PDZRN3: variants seen among roughly 807,000 people sequenced by gnomAD.
PDZRN3 encodes the protein E3 ubiquitin-protein ligase PDZRN3.
PDZRN3 carries 38 observed loss-of-function variants against 85.7 expected under a neutral mutation model. That is an observed-to-expected ratio of 0.44 (90% CI 0.34 to 0.58). PDZRN3 has a LOEUF of 0.58. Ranked by LOEUF, PDZRN3 falls within the 20% of genes least tolerant of loss-of-function variation. The pLI, the probability that PDZRN3 is intolerant of heterozygous loss-of-function variation, is 0.01. For synonymous variants in PDZRN3, 759 were observed against 638.0 expected, an observed-to-expected ratio of 1.19 and a Z score of -2.86; for missense variants, 1,629 against 1,506.4, an observed-to-expected ratio of 1.08 and a Z score of -1.35.
intron 3 of PDZRN3, among the ~76,000 whole-genome samples, chr3:73,415,604 T>G (rs919610841): frequency 2.0e-5 from 3 of 152,232 alleles, no homozygotes; most frequent in Non-Finnish European, 4.4e-5. Context: ...ATAATCCTTC[T>G]ATTTTTCACA....
intron 3 of PDZRN3, among the ~76,000 whole-genome samples, chr3:73,406,493 T>C (rs1464940879): frequency 6.6e-6 from 1 of 152,180 alleles, no homozygotes; most frequent in East Asian, 1.9e-4. Flanking sequence ...TACAGCAAAT[T>C]TGTTGCTGAG....
chr3:73,462,596 T>C (rs1703130771), intron 3 of PDZRN3, among the ~76,000 whole-genome samples: 1 of 149,244 alleles, frequency 6.7e-6, no homozygotes, highest in Non-Finnish European at 1.5e-5. Context: ...GAATTTTTCA[T>C]CATATTGCAG....
At chr3:73,538,023 A>G (rs1704830598) in intron 3 of PDZRN3, among the ~76,000 whole-genome samples, 1 of 152,194 alleles carries the variant, frequency 6.6e-6, no homozygotes, top group African/African-American at 2.4e-5. Context: ...GGATTTCTGG[A>G]CCAAAATGAC....
chr3:73,511,759 T>G (rs1309103500), intron 3 of PDZRN3, among the ~76,000 whole-genome samples: 1 of 152,228 alleles, frequency 6.6e-6, no homozygotes, highest in Admixed American at 6.5e-5. Context: ...CGGCCGCATC[T>G]AAAACAGACA....
At chr3:73,509,395 CTGTT>C (rs1259132676) in intron 3 of PDZRN3, among the ~76,000 whole-genome samples, 1 of 152,200 alleles carries the variant, frequency 6.6e-6, no homozygotes, top group African/African-American at 2.4e-5. Context: ...GGACCTCTGT[CTGTT>C]TGTCCTGTAA....
chr3:73,502,896 A>G (rs1704008273), intron 3 of PDZRN3, among the ~76,000 whole-genome samples: 2 of 152,214 alleles, frequency 1.3e-5, no homozygotes, highest in Admixed American at 1.3e-4. Flanking sequence ...CACAGGTGAC[A>G]GTGTCTTACA....
Position 73,384,777 on chromosome 3 carries a change from A to G in PDZRN3, c.1789T>C (p.Ser597Pro), listed in dbSNP as rs766874601. 3 of 1,613,782 alleles carry G rather than the reference A, an allele frequency of 1.9e-6. No homozygotes were observed. The African/African-American group carries it at 4.0e-5, about 22-fold the overall frequency. Reference protein sequence around the residue: ...ENNGDDATASSNPLAGQRKLT... With the variant: ...ENNGDDATASPNPLAGQRKLT... ...TTCCTCTGCCCCGCCAGCGGGTTGG[A>G]GGATGCGGTGGCGTCGTCGCCATTG... is the stretch of plus-strand genomic sequence containing the variant. The change falls in exon 10 of 10, where the codon TCC becomes CCC. Residue 597 changes from serine (S) to proline (P), a missense_variant. Coordinates refer to ENST00000263666, the MANE Select transcript of PDZRN3 (RefSeq NM_015009.3).
rs559417013 is a variant in PDZRN3 at position 73,384,942 on chromosome 3, C to T, written c.1636-12G>A. On this transcript the variant is annotated splice_polypyrimidine_tract_variant and intron_variant, in intron 9 of 9. Transcript: ENST00000263666. Reference sequence around the variant, plus strand: ...TCGTCGTGCTTCTTCTGCATAAACACAAGAACAAAGGGTCACAGTGAGGGA... The same window carrying T: ...TCGTCGTGCTTCTTCTGCATAAACATAAGAACAAAGGGTCACAGTGAGGGA... 6.3e-7 allele frequency: 1 copy of T among 1,580,992 alleles called. No individual in the cohort carries two copies. The highest frequency in any genetic ancestry group is 1.2e-5 in the South Asian group (1 of 84,746).
At chr3:73,564,957 A>C (rs906181331) in intron 3 of PDZRN3, among the ~76,000 whole-genome samples, 3 of 152,160 alleles carry the variant, frequency 2.0e-5, no homozygotes, top group Non-Finnish European at 2.9e-5. Context: ...CATTCTCATC[A>C]TCATTACCAC....
At chr3:73,471,503 T>A (rs1575676263) in intron 3 of PDZRN3, among the ~76,000 whole-genome samples, 1 of 152,350 alleles carries the variant, frequency 6.6e-6, no homozygotes, top group East Asian at 1.9e-4. Context: ...CCTTTATGAC[T>A]GTAAAGCAAA....
intron 3 of PDZRN3, among the ~76,000 whole-genome samples, chr3:73,574,919 C>T (rs1309187296): frequency 1.3e-5 from 2 of 152,182 alleles, no homozygotes; most frequent in Non-Finnish European, 2.9e-5. Flanking sequence ...AGCATGCTGT[C>T]AAATATAACC....
chr3:73,416,466 T>G (rs147171528), intron 3 of PDZRN3, among the ~76,000 whole-genome samples: 2 of 152,134 alleles, frequency 1.3e-5, no homozygotes, highest in African/African-American at 4.8e-5. Flanking sequence ...TAATGGGCTC[T>G]GGATCGCAAG....
intron 3 of PDZRN3, among the ~76,000 whole-genome samples, chr3:73,546,944 A>T (rs184749490): frequency 1.1e-4 from 17 of 152,280 alleles, no homozygotes; most frequent in Admixed American, 5.9e-4. Context: ...ATGAGGTGAG[A>T]ACTCCCAGGT....
intron 5 of PDZRN3, among the ~76,000 whole-genome samples, chr3:73,399,758 G>C (rs3845875): frequency 0.65 from 99,144 of 151,960 alleles, 32,595 homozygotes; most frequent in East Asian, 0.86. Context: ...ACTGGCCATT[G>C]CTGTTTAGAC....
At chr3:73,507,423 G>T in intron 3 of PDZRN3, among the ~76,000 whole-genome samples, 1 of 152,150 alleles carries the variant, frequency 6.6e-6, no homozygotes, top group East Asian at 1.9e-4. Flanking sequence ...GCCCGCCTTG[G>T]CCTCCCAAAG....
At position 73,404,339 on chromosome 3, in the gene PDZRN3, C is replaced by G; in HGVS notation, c.975G>C (p.Lys325Asn). The G allele has an allele frequency of 6.2e-7, 1 of 1,614,134 alleles. No homozygotes were observed. The highest frequency in any genetic ancestry group is 8.5e-7 in the Non-Finnish European group (1 of 1,180,006). The change falls in exon 4 of 10, where the codon AAG becomes AAC. Residue 325 changes from lysine to asparagine, a missense_variant. Coordinates refer to ENST00000263666, the MANE Select transcript of PDZRN3 (RefSeq NM_015009.3). ...GCACCACTATGGGCTCCTTGGCTGT[C>G]TTGAAAGCTTCCACAGCCTGGTCAT... is the stretch of plus-strand genomic sequence containing the variant. The part of the protein sequence containing the change: ...ATHDQAVEAF[K>N]TAKEPIVVQV...
intron 3 of PDZRN3, among the ~76,000 whole-genome samples, chr3:73,459,824 T>C (rs1301707722): frequency 6.6e-6 from 1 of 152,236 alleles, no homozygotes; most frequent in Non-Finnish European, 1.5e-5. Context: ...TATATCTGCC[T>C]AACAGATGGG....
rs145753043 is a variant in PDZRN3, at chr3:73,454,846, A to G, written c.919-50451T>C. Reference sequence around the variant, plus strand: ...AAACATCCAAAGGATATATACTCAAATATCATCTCTATGTATTAGGATTTT... The same window carrying G: ...AAACATCCAAAGGATATATACTCAAGTATCATCTCTATGTATTAGGATTTT... On this transcript the variant is annotated intron_variant, in intron 3 of 9. Transcript: ENST00000263666. Among the ~76,000 whole-genome samples, 120 of 152,224 alleles carry G rather than the reference A, an allele frequency of 7.9e-4. No individual in the cohort carries two copies. The East Asian group carries it at 0.016, about 20-fold the overall frequency.
Position 73,520,883 on chromosome 3 carries a change from A to G in PDZRN3, c.918+81471T>C, listed in dbSNP as rs187113057. On this transcript the variant is annotated intron_variant, in intron 3 of 9. Coordinates refer to ENST00000263666, the MANE Select transcript of PDZRN3 (RefSeq NM_015009.3). ...AGCACCCAGATGGTAATACAACTAC[A>G]AGCAAGGATAACATCACTCAAGGTG... 6.6e-5 allele frequency among the ~76,000 whole-genome samples: 10 copies of G among 152,306 alleles called. No homozygotes were observed. In the East Asian group the frequency reaches 1.7e-3, roughly 26 times the overall value.
Sources: gnomAD v4.1 joint callset for allele counts (sites outside exome capture counted in the v4.1 genomes callset) on GRCh38, gnomAD v4.1.1 for gene constraint, MANE v1.5 for transcripts, NCBI Gene and HGNC (gene_info 2026-07-23, HGNC 2026-07-21) for gene names.